The following TM7SF2 variants were observed in gnomAD, a reference collection of about 807,000 sequenced individuals.
TM7SF2 encodes the protein transmembrane 7 superfamily member 2.
A neutral mutation model predicts 51.0 loss-of-function variants in TM7SF2; 51 were observed. The ratio of observed to expected loss-of-function variants is 1.00; its 90% CI spans 0.80 to 1.26. The LOEUF is 1.26. Ranked by LOEUF, TM7SF2 falls within the 50% of genes most tolerant of loss-of-function variation. TM7SF2 has a pLI of 0.00. For missense variants in TM7SF2, 541 were observed against 547.4 expected (o/e 0.99, Z 0.12); for synonymous variants, 255 against 241.0 (o/e 1.06, Z -0.54).
rs752355635 is a variant in TM7SF2 at position 65,115,484 on chromosome 11, A to AC, written c.984dup (p.Ile329HisfsTer59). On this transcript the variant is annotated frameshift_variant, in exon 9 of 10. Coordinates refer to ENST00000279263, the MANE Select transcript of TM7SF2 (RefSeq NM_003273.6). LOFTEE classifies it high-confidence loss of function. ...CTGCTGTCTTTCCCCAGGGCTTGAGACCATCTCTACAGCCACAGGGCGGAA... is the reference window on the plus strand; with the variant it reads ...CTGCTGTCTTTCCCCAGGGCTTGAGACCCATCTCTACAGCCACAGGGCGGAA... 4 of 1,613,762 alleles carry AC rather than the reference A, an allele frequency of 2.5e-6. No individual in the cohort carries two copies. The African/African-American group carries it at 5.3e-5, about 22-fold the overall frequency.
At position 65,111,959 on chromosome 11, in the gene TM7SF2, C is replaced by G; in HGVS notation, c.-57C>G. ...TCCATCTCCTGGGAAATGGGGCGGA[C>G]AGTGTTTCCTTGACTGACTATTGTG... is the stretch of plus-strand genomic sequence containing the variant. On this transcript the variant is annotated 5_prime_UTR_variant, in exon 1 of 10. Transcript: ENST00000279263. 1 of 1,531,802 alleles carries G rather than the reference C, an allele frequency of 6.5e-7. No individual in the cohort carries two copies. The allele number at this position is 1,531,802 out of a possible 1,614,324, so 94.9% of individuals were successfully genotyped here. A position where few individuals can be genotyped will look rare whatever the true frequency, so the allele number is the denominator to read the frequency against.
chr11:65,114,698 G>T lies in TM7SF2; in HGVS notation c.604-15G>T, dbSNP rs544170554. On this transcript the variant is annotated splice_polypyrimidine_tract_variant and intron_variant, in intron 5 of 9. Coordinates refer to ENST00000279263, the MANE Select transcript of TM7SF2 (RefSeq NM_003273.6). ...CCACTTCTGTGGAGACTATTGCCTT[G>T]TTCCCTCTCCCCAGGTCCTCATCAA... is the stretch of plus-strand genomic sequence containing the variant. The T allele has an allele frequency of 5.3e-5, 86 of 1,613,094 alleles. No homozygotes were observed. The South Asian group carries it at 8.8e-4, about 17-fold the overall frequency.
At position 65,113,609 on chromosome 11, in the gene TM7SF2, A is replaced by G; in HGVS notation, c.603+15A>G. On this transcript the variant is annotated intron_variant, in intron 5 of 9. Transcript: ENST00000279263. ...TCATCGGCTGGGTATGTTGGGCTTG[A>G]CTGAGCTGGCCTCAGGCCAGGGGGA... 1 of 1,611,432 alleles carries G rather than the reference A, an allele frequency of 6.2e-7. No individual in the cohort carries two copies. The highest frequency in any genetic ancestry group is 8.5e-7 in the Non-Finnish European group (1 of 1,178,276).
rs1180855284 is a variant in TM7SF2, at chr11:65,115,981, G to A, written c.1185G>A (p.Leu395=). ...AGGCCCGGGATGAGCGGCAGTGCCT[G>A]CAGAAGTACGGCCTGGCCTGGCAGG... ...HREARDERQC[L]QKYGLAWQEY... Residue 395 remains leucine, a synonymous_variant, in exon 10 of 10, where the codon CTG becomes CTA. Transcript: ENST00000279263. 3 of 1,613,498 alleles carry A rather than the reference G, an allele frequency of 1.9e-6. No individual in the cohort carries two copies. The highest frequency in any genetic ancestry group is 1.3e-5 in the African/African-American group (1 of 75,048).
At position 65,112,580 on chromosome 11, in the gene TM7SF2, G is replaced by A. The variant is rs750770040; in HGVS notation, c.118G>A (p.Gly40Ser). 1 of 1,521,350 alleles carries A rather than the reference G, an allele frequency of 6.6e-7. No individual in the cohort carries two copies. Among genetic ancestry groups the A allele is most frequent in the Admixed American group, 2.0e-5 (1 of 49,162 alleles). The allele number at this position is 1,521,350 out of a possible 1,614,324, so 94.2% of individuals were successfully genotyped here. The part of the protein sequence containing the change: ...MFHLLLAARS[G>S]PARLLGPPAS... ...CCACCTGCTCCTGGCGGCCCGTTCGGGCCCCGCGCGCCTGCTGGGTCCACC... is the reference window on the plus strand; with the variant it reads ...CCACCTGCTCCTGGCGGCCCGTTCGAGCCCCGCGCGCCTGCTGGGTCCACC... Residue 40 changes from glycine to serine, a missense_variant, in exon 2 of 10, where the codon GGC becomes AGC. Transcript: ENST00000279263.
At position 65,116,203 on chromosome 11, in the gene TM7SF2, A is replaced by C; in HGVS notation, c.*150A>C. ...CTCAGAGAAGAGGTGGTTTAGAGCA[A>C]GGAAAAAAATGAAACCAGTGACCAA... On this transcript the variant is annotated 3_prime_UTR_variant, in exon 10 of 10. Coordinates refer to ENST00000279263, the MANE Select transcript of TM7SF2 (RefSeq NM_003273.6). 8.0e-7 allele frequency: 1 copy of C among 1,252,326 alleles called. No individual in the cohort carries two copies. The highest frequency in any genetic ancestry group is 2.8e-5 in the Admixed American group (1 of 35,438). The allele number at this position is 1,252,326 out of a possible 1,614,324, so 77.6% of individuals were successfully genotyped here. A position where few individuals can be genotyped will look rare whatever the true frequency, so the allele number is the denominator to read the frequency against.
At chr11:65,113,064 A>C in intron 3 of TM7SF2, 156 bp from the exon 4 acceptor site, 1 of 1,030,096 alleles carries the variant, frequency 9.7e-7, no homozygotes, top group Non-Finnish European at 1.4e-6. Flanking sequence ...TCCGTGCACC[A>C]CAGCAGTGGC....
chr11:65,115,772 C>T (rs1304682796), intron 9 of TM7SF2, 121 bp from the exon 10 acceptor site: 1 of 1,575,342 alleles, frequency 6.3e-7, no homozygotes, highest in Non-Finnish European at 8.7e-7. Flanking sequence ...TGCTTTGCTG[C>T]AGACCCTGGC....
At position 65,113,385 on chromosome 11, in the gene TM7SF2, T is replaced by C; in HGVS notation, c.470T>C (p.Val157Ala). Reference sequence around the variant, plus strand: ...TACATGAAGGCGCAGGTAGCCCCAGTTTCGGCCCTGGCACCTGGGGGGAAC... The same window carrying C: ...TACATGAAGGCGCAGGTAGCCCCAGCTTCGGCCCTGGCACCTGGGGGGAAC... ...FLYMKAQVAPVSALAPGGNSG... is the reference protein window; with the variant it reads ...FLYMKAQVAPASALAPGGNSG... Residue 157 changes from valine (V) to alanine (A), a missense_variant, in exon 4 of 10, where the codon GTT becomes GCT. Val to Ala is a moderately conservative substitution (Grantham distance 64). Transcript: ENST00000279263. 6.2e-7 allele frequency: 1 copy of C among 1,614,162 alleles called. No homozygotes were observed. The highest frequency in any genetic ancestry group is 1.1e-5 in the South Asian group (1 of 91,090).
At chr11:65,115,741 C>T in intron 9 of TM7SF2, 143 bp downstream of exon 9, 1 of 1,553,410 alleles carries the variant, frequency 6.4e-7, no homozygotes, top group Non-Finnish European at 8.9e-7. Flanking sequence ...GGGCACACCT[C>T]TGTGCCAACC....
Position 65,116,074 on chromosome 11 carries a change from TG to T in TM7SF2, c.*26del, listed in dbSNP as rs769069841. The T allele has an allele frequency of 1.9e-6, 3 of 1,594,882 alleles. No individual in the cohort carries two copies. In the East Asian group the frequency reaches 6.7e-5, roughly 36 times the overall value. ...ACTGAAGCGGCTCCACCACCCCAGG[TG>T]GGGGCATGTGCCCACTCATCCACCA... On this transcript the variant is annotated 3_prime_UTR_variant, in exon 10 of 10. Transcript: ENST00000279263.
chr11:65,112,237 G>A (rs1026320001), intron 1 of TM7SF2, 170 bp downstream of exon 1: 3 of 731,378 alleles, frequency 4.1e-6, no homozygotes, highest in Non-Finnish European at 6.7e-6. Flanking sequence ...GAGCTGAGGA[G>A]GGGCCGGTTC....
rs770443444 is a variant in TM7SF2, at chr11:65,113,370, C to G, written c.455C>G (p.Ala152Gly). Residue 152 changes from alanine (A) to glycine (G), a missense_variant, in exon 4 of 10, where the codon GCG becomes GGG. By Grantham distance (60) the Ala-to-Gly change is moderately conservative. Coordinates refer to ENST00000279263, the MANE Select transcript of TM7SF2 (RefSeq NM_003273.6). ...TTCAGCCTCTTTCTCTACATGAAGG[C>G]GCAGGTAGCCCCAGTTTCGGCCCTG... ...FIFSLFLYMK[A>G]QVAPVSALAP... The G allele has an allele frequency of 6.1e-5, 99 of 1,614,014 alleles. No homozygotes were observed. The highest frequency in any genetic ancestry group is 4.4e-5 in the South Asian group (4 of 91,086).
chr11:65,115,096 G>C lies in TM7SF2; in HGVS notation c.892+15G>C. 6.2e-7 allele frequency: 1 copy of C among 1,611,018 alleles called. No homozygotes were observed. Among genetic ancestry groups the C allele is most frequent in the Non-Finnish European group, 8.5e-7 (1 of 1,178,412 alleles). On this transcript the variant is annotated intron_variant, in intron 7 of 9. Coordinates refer to ENST00000279263, the MANE Select transcript of TM7SF2 (RefSeq NM_003273.6). ...CCTCATCAATGGTCAGTCAGGAAGG[G>C]GCAGCAGGCTGGGCCCATCTTCCCC...
chr11:65,112,091 C>T (rs780593381), intron 1 of TM7SF2, 24 bp downstream of exon 1: 3 of 1,588,438 alleles, frequency 1.9e-6, no homozygotes, highest in South Asian at 2.3e-5. Flanking sequence ...GAGATGGGAC[C>T]TGGGGCAAAG....
In TM7SF2 at chr11:65,116,063, A is replaced by C. The variant is rs751966937; in HGVS notation, c.*10A>C. 2.5e-6 allele frequency: 4 copies of C among 1,599,508 alleles called. No individual in the cohort carries two copies. The highest frequency in any genetic ancestry group is 3.4e-6 in the Non-Finnish European group (4 of 1,175,910). Reference sequence around the variant, plus strand: ...GCCCTACATCTACTGAAGCGGCTCCACCACCCCAGGTGGGGGCATGTGCCC... The same window carrying C: ...GCCCTACATCTACTGAAGCGGCTCCCCCACCCCAGGTGGGGGCATGTGCCC... On this transcript the variant is annotated 3_prime_UTR_variant, in exon 10 of 10. Coordinates refer to ENST00000279263, the MANE Select transcript of TM7SF2 (RefSeq NM_003273.6).
chr11:65,116,205 G>GA lies in TM7SF2; in HGVS notation c.*159dup. 8.1e-7 allele frequency: 1 copy of GA among 1,232,710 alleles called. No homozygotes were observed. The highest frequency in any genetic ancestry group is 1.1e-6 in the Non-Finnish European group (1 of 911,242). The allele number at this position is 1,232,710 out of a possible 1,614,324, so 76.4% of individuals were successfully genotyped here. A position where few individuals can be genotyped will look rare whatever the true frequency, so the allele number is the denominator to read the frequency against. ...CAGAGAAGAGGTGGTTTAGAGCAAG[G>GA]AAAAAAATGAAACCAGTGACCAAAA... On this transcript the variant is annotated 3_prime_UTR_variant, in exon 10 of 10. Transcript: ENST00000279263.
chr11:65,115,621 G>A (rs755037647), intron 9 of TM7SF2, 23 bp downstream of exon 9: 9 of 1,613,260 alleles, frequency 5.6e-6, no homozygotes, highest in Non-Finnish European at 7.6e-6. Context: ...TGTGGATATG[G>A]GTAGGGACAT....
chr11:65,113,741 C>A, intron 5 of TM7SF2, 147 bp downstream of exon 5: 1 of 720,704 alleles, frequency 1.4e-6, no homozygotes, highest in Non-Finnish European at 2.3e-6. Context: ...CCACCTGTGC[C>A]TAGGTACTGG....
Sources: allele counts gnomAD v4.1 joint callset, GRCh38; gene constraint gnomAD v4.1.1; transcripts MANE v1.5; gene names NCBI Gene and HGNC (gene_info 2026-07-23, HGNC 2026-07-21).